TDRD3: variants seen among roughly 807,000 people sequenced by gnomAD.
The protein encoded by TDRD3 is tudor domain containing 3, also known as tudor domain-containing protein 3.
In TDRD3, 45 loss-of-function variants were observed where a neutral mutation model predicts 86.7. The ratio of observed to expected loss-of-function variants is 0.52; its 90% CI spans 0.41 to 0.67. The LOEUF (loss-of-function observed/expected upper bound fraction) is 0.67. Ranked by LOEUF, TDRD3 falls within the 30% of genes least tolerant of loss-of-function variation. The pLI is 0.00. For missense variants in TDRD3, 814 were observed against 889.0 expected (o/e 0.92, Z 1.07); for synonymous variants, 298 against 301.7 (o/e 0.99, Z 0.13).
At chr13:60,486,033 A>T (rs766840322) in intron 7 of TDRD3, 85 bp downstream of exon 7, 95 of 1,345,116 alleles carry the variant, frequency 7.1e-5, no homozygotes, top group Non-Finnish European at 8.3e-5. Context: ...CTTTTCATAT[A>T]AGCTAACTAA....
chr13:60,449,414 A>G (rs1315293715), intron 3 of TDRD3, among the ~76,000 whole-genome samples: 3 of 152,144 alleles, frequency 2.0e-5, no homozygotes, highest in East Asian at 3.8e-4. Context: ...AAAATAAACT[A>G]TTCAACTTAC....
At chr13:60,422,941 T>C (rs537451161) in intron 1 of TDRD3, among the ~76,000 whole-genome samples, 2 of 152,224 alleles carry the variant, frequency 1.3e-5, no homozygotes, top group East Asian at 1.9e-4. Context: ...AATCCACACA[T>C]TGAAAGTATG....
At position 60,397,330 on chromosome 13, in the gene TDRD3, C is replaced by G; in HGVS notation, c.-35C>G. The G allele has an allele frequency of 7.1e-7, 1 of 1,407,794 alleles. No homozygotes were observed. The highest frequency in any genetic ancestry group is 9.4e-7 in the Non-Finnish European group (1 of 1,066,806). The allele number at this position is 1,407,794 out of a possible 1,614,324, so 87.2% of individuals were successfully genotyped here. ...AGGAGGCCTCCCCATCACCCCCACC[C>G]CAGCCCCCCACCACCCCCGGCCTAA... On this transcript the variant is annotated 5_prime_UTR_variant, in exon 1 of 14. Transcript: ENST00000377881.
At chr13:60,408,399 G>A (rs1566169787) in intron 1 of TDRD3, among the ~76,000 whole-genome samples, 1 of 152,234 alleles carries the variant, frequency 6.6e-6, no homozygotes, top group Non-Finnish European at 1.5e-5. Flanking sequence ...ACAGGCAGAG[G>A]TTGGAACAGT....
At chr13:60,541,608 G>A (rs930941872) in intron 12 of TDRD3, among the ~76,000 whole-genome samples, 1 of 146,468 alleles carries the variant, frequency 6.8e-6, no homozygotes, top group Non-Finnish European at 1.5e-5. Flanking sequence ...TAATTAAGAA[G>A]TATATTTATG....
At chr13:60,556,279 T>G (rs1467362185) in intron 12 of TDRD3, among the ~76,000 whole-genome samples, 3 of 152,216 alleles carry the variant, frequency 2.0e-5, no homozygotes, top group Non-Finnish European at 2.9e-5. Flanking sequence ...CCCATTTAGA[T>G]GTTACCCTTT....
intron 4 of TDRD3, among the ~76,000 whole-genome samples, chr13:60,461,559 C>T (rs144567516): frequency 6.6e-6 from 1 of 152,256 alleles, no homozygotes; most frequent in African/African-American, 2.4e-5. Context: ...ACGTTTGCAG[C>T]TCGGGCTCCT....
intron 1 of TDRD3, among the ~76,000 whole-genome samples, chr13:60,432,332 G>A (rs1335278777): frequency 6.6e-6 from 1 of 151,960 alleles, no homozygotes; most frequent in African/African-American, 2.4e-5. Context: ...TTTTTAACAG[G>A]TTATCTGAAG....
intron 1 of TDRD3, among the ~76,000 whole-genome samples, chr13:60,438,134 C>G (rs1955167474): frequency 6.6e-6 from 1 of 152,040 alleles, no homozygotes; most frequent in African/African-American, 2.4e-5. Context: ...ACTGATTTCA[C>G]ACAATACTTT....
chr13:60,534,076 C>T (rs1957644940), intron 11 of TDRD3, among the ~76,000 whole-genome samples: 1 of 152,062 alleles, frequency 6.6e-6, no homozygotes, highest in Non-Finnish European at 1.5e-5. Context: ...TTTGGGAGGC[C>T]AAGTAGAGAA....
At chr13:60,395,944 T>A (rs2059141901), upstream of TDRD3, among the ~76,000 whole-genome samples, 1 of 152,182 alleles carries the variant, frequency 6.6e-6, no homozygotes, top group Admixed American at 6.5e-5. Flanking sequence ...TCAATAGCAT[T>A]CCATCTAACG....
At chr13:60,559,944 G>A (rs773532677) in intron 12 of TDRD3, among the ~76,000 whole-genome samples, 35 of 152,098 alleles carry the variant, frequency 2.3e-4, no homozygotes, top group Non-Finnish European at 4.4e-5. Context: ...TGATGGATAT[G>A]TTAACCTTGA....
intron 1 of TDRD3, among the ~76,000 whole-genome samples, chr13:60,436,619 T>G (rs1368980462): frequency 2.0e-5 from 3 of 152,210 alleles, no homozygotes; most frequent in Non-Finnish European, 4.4e-5. Flanking sequence ...TTCTGTTCCA[T>G]TGGTATCATT....
At chr13:60,459,852 C>T (rs1280620166) in intron 3 of TDRD3, among the ~76,000 whole-genome samples, 1 of 152,108 alleles carries the variant, frequency 6.6e-6, no homozygotes, top group Non-Finnish European at 1.5e-5. Context: ...AGCTCCTGAC[C>T]TCAGGTAATC....
At chr13:60,567,471 T>A in intron 12 of TDRD3, 54 bp from the exon 13 acceptor site, 1 of 1,612,766 alleles carries the variant, frequency 6.2e-7, no homozygotes, top group Non-Finnish European at 8.5e-7. Flanking sequence ...TTTTTTTTAC[T>A]TAAGAAACTT....
chr13:60,553,553 TAAAA>T (rs201762964), intron 12 of TDRD3, among the ~76,000 whole-genome samples: 29 of 124,948 alleles, frequency 2.3e-4, no homozygotes, highest in East Asian at 2.0e-3. Context: ...TTTTTTTAAA[TAAAA>T]AAAAAAAAAA....
intron 2 of TDRD3, among the ~76,000 whole-genome samples, chr13:60,440,212 G>GA (rs1955226419): frequency 6.6e-6 from 1 of 151,364 alleles, no homozygotes; most frequent in Non-Finnish European, 1.5e-5. Context: ...GAACATTTCA[G>GA]AAAAAAACAG....
At chr13:60,498,191 T>C (rs1202998833) in intron 8 of TDRD3, among the ~76,000 whole-genome samples, 5 of 152,084 alleles carry the variant, frequency 3.3e-5, no homozygotes, top group Non-Finnish European at 5.9e-5. Flanking sequence ...CCAGAAGATA[T>C]ACCCTTGAGC....
chr13:60,485,790 T>G lies in TDRD3; in HGVS notation c.568-9T>G. 7.1e-6 allele frequency: 11 copies of G among 1,559,642 alleles called. No homozygotes were observed. Among genetic ancestry groups the G allele is most frequent in the Non-Finnish European group, 9.5e-6 (11 of 1,155,218 alleles). On this transcript the variant is annotated splice_polypyrimidine_tract_variant and intron_variant, in intron 6 of 13. Coordinates refer to ENST00000377881, the MANE Select transcript of TDRD3 (RefSeq NM_001146070.2). ...TACTAAGTTGACTTATTCTTACTTG[T>G]TTTACTAGAAGTGTGTATCTCATGT...
Sources: gnomAD v4.1 joint callset for allele counts (sites outside exome capture counted in the v4.1 genomes callset) on GRCh38, gnomAD v4.1.1 for gene constraint, MANE v1.5 for transcripts, NCBI Gene and HGNC (gene_info 2026-07-23, HGNC 2026-07-21) for gene names.